The following PTPRM variants were observed in gnomAD, a reference collection of about 807,000 sequenced individuals.
PTPRM encodes the protein receptor-type tyrosine-protein phosphatase mu.
Under a neutral mutation model 186.7 loss-of-function variants are expected in PTPRM, and 47 were observed. The observed-to-expected ratio is 0.25, with a 90% CI of 0.20 to 0.32. The LOEUF is 0.32. Among genes scored for constraint, PTPRM ranks in the 10% least tolerant of loss-of-function variants. PTPRM has a pLI of 1.00. For missense variants in PTPRM, 1,494 were observed against 1,865.0 expected (o/e 0.80, Z 3.66); for synonymous variants, 668 against 674.9 (o/e 0.99, Z 0.16).
rs1433514313 is a variant in PTPRM at position 8,380,446 on chromosome 18, A to G, written c.3918+19A>G. 11 of 1,613,944 alleles carry G rather than the reference A, an allele frequency of 6.8e-6. No individual in the cohort carries two copies. ...TGCCCAGGTGAGACCCGGACTTCTT[A>G]CAGTCAGAACTAGTGCCAGGGGGTC... On this transcript the variant is annotated intron_variant, in intron 29 of 32. Coordinates refer to ENST00000580170, the MANE Select transcript of PTPRM (RefSeq NM_001105244.2).
intron 14 of PTPRM, among the ~76,000 whole-genome samples, chr18:8,191,309 C>A (rs931714812): frequency 4.0e-5 from 6 of 151,458 alleles, no homozygotes; most frequent in Admixed American, 3.3e-4. Context: ...ACAGACACGT[C>A]TGAGGGGCCT....
chr18:7,666,512 C>T (rs1479413758), intron 1 of PTPRM, among the ~76,000 whole-genome samples: 1 of 152,154 alleles, frequency 6.6e-6, no homozygotes, highest in Non-Finnish European at 1.5e-5. Context: ...TAGAAAGACA[C>T]CAGCGTCTGA....
At chr18:7,691,702 TC>T (rs2039736698) in intron 1 of PTPRM, among the ~76,000 whole-genome samples, 1 of 151,972 alleles carries the variant, frequency 6.6e-6, no homozygotes, top group Non-Finnish European at 1.5e-5. Context: ...TTCTCTTGAG[TC>T]CAGGAGTTCA....
intron 7 of PTPRM, among the ~76,000 whole-genome samples, chr18:7,991,946 A>T (rs536525104): frequency 1.3e-5 from 2 of 152,162 alleles, no homozygotes; most frequent in Non-Finnish European, 2.9e-5. Context: ...ATCCAATATG[A>T]TGTTTCTTGG....
intron 1 of PTPRM, among the ~76,000 whole-genome samples, chr18:7,733,465 T>A (rs1313742023): frequency 6.6e-6 from 1 of 152,178 alleles, no homozygotes; most frequent in Non-Finnish European, 1.5e-5. Flanking sequence ...TGTGCCACAT[T>A]TTCTTTATTC....
chr18:8,315,532 G>A (rs1432701555), intron 21 of PTPRM, among the ~76,000 whole-genome samples: 1 of 152,178 alleles, frequency 6.6e-6, no homozygotes, highest in Non-Finnish European at 1.5e-5. Flanking sequence ...GAAATCAAAA[G>A]TAGACTGAAA....
At chr18:7,642,174 A>G (rs1441560020) in intron 1 of PTPRM, among the ~76,000 whole-genome samples, 1 of 152,218 alleles carries the variant, frequency 6.6e-6, no homozygotes, top group African/African-American at 2.4e-5. Flanking sequence ...GTACCAAAAT[A>G]GAGAGTGCCC....
chr18:7,798,040 G>A (rs946168302), intron 2 of PTPRM, among the ~76,000 whole-genome samples: 1 of 152,190 alleles, frequency 6.6e-6, no homozygotes, highest in Non-Finnish European at 1.5e-5. Flanking sequence ...ATTAGGTCTT[G>A]TGGTCTGCTG....
At chr18:7,665,884 T>C (rs1387201790) in intron 1 of PTPRM, among the ~76,000 whole-genome samples, 2 of 151,936 alleles carry the variant, frequency 1.3e-5, no homozygotes. Flanking sequence ...ATCGCGCCAC[T>C]GCACTCCAGC....
At chr18:7,807,319 AGTAAACTTCCT>A (rs2044284412) in intron 2 of PTPRM, among the ~76,000 whole-genome samples, 2 of 152,252 alleles carry the variant, frequency 1.3e-5, no homozygotes, top group Admixed American at 1.3e-4. Context: ...AGGCAGAAAC[AGTAAACTTCCT>A]GTAAGCTAAC....
At chr18:7,819,216 C>T (rs2045028146) in intron 2 of PTPRM, among the ~76,000 whole-genome samples, 2 of 152,162 alleles carry the variant, frequency 1.3e-5, no homozygotes, top group African/African-American at 4.8e-5. Flanking sequence ...TAGGTGAGGA[C>T]AGGCACTCCT....
chr18:7,784,377 CT>C (rs1228757914), intron 2 of PTPRM, among the ~76,000 whole-genome samples: 4 of 152,086 alleles, frequency 2.6e-5, no homozygotes, highest in Admixed American at 2.6e-4. Context: ...ATGTCGCTCT[CT>C]GCCAGCCCAG....
At chr18:8,358,244 G>GAC (rs747180286) in intron 23 of PTPRM, among the ~76,000 whole-genome samples, 2 of 82,206 alleles carry the variant, frequency 2.4e-5, no homozygotes, top group African/African-American at 8.5e-5. Flanking sequence ...GTATGCACAT[G>GAC]ACACGCACAC....
chr18:8,381,765 G>A (rs1025660156), intron 29 of PTPRM, among the ~76,000 whole-genome samples: 5 of 152,100 alleles, frequency 3.3e-5, no homozygotes, highest in Admixed American at 1.3e-4. Context: ...ACAGTGGCAC[G>A]GCCGAAATTT....
At chr18:8,086,691 T>C (rs1005186636) in intron 10 of PTPRM, among the ~76,000 whole-genome samples, 2 of 152,172 alleles carry the variant, frequency 1.3e-5, no homozygotes, top group Non-Finnish European at 2.9e-5. Flanking sequence ...TTTATATCTT[T>C]TATCTCTCAT....
intron 7 of PTPRM, among the ~76,000 whole-genome samples, chr18:8,041,428 T>C (rs1020871470): frequency 1.4e-4 from 21 of 151,604 alleles, no homozygotes; most frequent in African/African-American, 5.1e-4. Context: ...GGCATGACTT[T>C]GAGTTAGTCT....
chr18:7,628,326 T>C (rs1274384880), intron 1 of PTPRM, among the ~76,000 whole-genome samples: 1 of 152,230 alleles, frequency 6.6e-6, no homozygotes, highest in Non-Finnish European at 1.5e-5. Context: ...ATAAGTAGCT[T>C]AATGATTCTA....
At chr18:8,174,686 ATACT>A (rs1444334940) in intron 14 of PTPRM, among the ~76,000 whole-genome samples, 1 of 152,218 alleles carries the variant, frequency 6.6e-6, no homozygotes, top group Non-Finnish European at 1.5e-5. Flanking sequence ...AAGAATGCAC[ATACT>A]TTTTTTAAAA....
Position 7,940,550 on chromosome 18 carries a change from A to C in PTPRM, c.664-8631A>C, listed in dbSNP as rs1010690035. 3.9e-5 allele frequency among the ~76,000 whole-genome samples: 6 copies of C among 152,150 alleles called. No homozygotes were observed. In the East Asian group the frequency reaches 9.7e-4, roughly 25 times the overall value. On this transcript the variant is annotated intron_variant, in intron 5 of 32. Coordinates refer to ENST00000580170, the MANE Select transcript of PTPRM (RefSeq NM_001105244.2). ...ATTCTAGGAGGAGGAAGAGGTCTCAAGGAAGGAGGAAGCCTGGTCTGGAAA... is the reference window on the plus strand; with the variant it reads ...ATTCTAGGAGGAGGAAGAGGTCTCACGGAAGGAGGAAGCCTGGTCTGGAAA...
Sources: gnomAD v4.1 joint callset for allele counts (sites outside exome capture counted in the v4.1 genomes callset) on GRCh38, gnomAD v4.1.1 for gene constraint, MANE v1.5 for transcripts, NCBI Gene and HGNC (gene_info 2026-07-23, HGNC 2026-07-21) for gene names.